STXBP5L: variants seen among roughly 807,000 people sequenced by gnomAD.
STXBP5L encodes the protein syntaxin binding protein 5L, also known as syntaxin-binding protein 5-like.
In STXBP5L, 65 loss-of-function variants were observed where a neutral mutation model predicts 144.5. The observed-to-expected ratio is 0.45, with a 90% CI of 0.37 to 0.55. The LOEUF (loss-of-function observed/expected upper bound fraction) is 0.55. Ranked by LOEUF, STXBP5L falls within the 20% of genes least tolerant of loss-of-function variation. The pLI is 0.00. For synonymous variants in STXBP5L, 505 were observed against 469.6 expected, an observed-to-expected ratio of 1.08 and a Z score of -0.97; for missense variants, 1,298 against 1,405.5, an observed-to-expected ratio of 0.92 and a Z score of 1.22.
chr3:121,041,639 C>T, intron 3 of STXBP5L, 61 bp from the exon 4 acceptor site: 1 of 1,239,934 alleles, frequency 8.1e-7, no homozygotes, highest in Non-Finnish European at 1.2e-6. Context: ...AAGTTAGTTT[C>T]TTTGCTCATT....
intron 20 of STXBP5L, among the ~76,000 whole-genome samples, chr3:121,370,666 T>C (rs2046003272): frequency 6.6e-6 from 1 of 152,256 alleles, no homozygotes; most frequent in South Asian, 2.1e-4. Context: ...TCAGTCTCTT[T>C]GCATAATTTC....
At chr3:121,115,337 T>C (rs2044185985) in intron 6 of STXBP5L, among the ~76,000 whole-genome samples, 1 of 152,214 alleles carries the variant, frequency 6.6e-6, no homozygotes, top group Admixed American at 6.6e-5. Context: ...GAAATCTCAC[T>C]TCATTATAAT....
intron 20 of STXBP5L, among the ~76,000 whole-genome samples, chr3:121,355,511 C>T (rs1371838014): frequency 6.6e-6 from 1 of 152,190 alleles, no homozygotes; most frequent in African/African-American, 2.4e-5. Context: ...TCACGAATTT[C>T]TCGTGCCATG....
intron 7 of STXBP5L, among the ~76,000 whole-genome samples, chr3:121,138,127 A>G (rs1179483161): frequency 6.6e-6 from 1 of 152,150 alleles, no homozygotes; most frequent in Non-Finnish European, 1.5e-5. Flanking sequence ...TGTATATGCT[A>G]ATAGTAAATT....
At chr3:121,175,359 G>A (rs1157999503) in intron 9 of STXBP5L, among the ~76,000 whole-genome samples, 4 of 151,794 alleles carry the variant, frequency 2.6e-5, no homozygotes, top group East Asian at 1.9e-4. Flanking sequence ...CCACACTAAA[G>A]GCCTAGAAAA....
intron 3 of STXBP5L, among the ~76,000 whole-genome samples, chr3:121,032,362 T>A (rs1946431967): frequency 6.6e-6 from 1 of 152,004 alleles, no homozygotes; most frequent in South Asian, 2.1e-4. Context: ...AGGGATCAAA[T>A]TAGAGAAAGA....
At chr3:120,976,560 T>G (rs1187731832) in intron 3 of STXBP5L, among the ~76,000 whole-genome samples, 1 of 152,162 alleles carries the variant, frequency 6.6e-6, no homozygotes, top group Non-Finnish European at 1.5e-5. Context: ...TCTGCTCTGA[T>G]TTTAGTTATT....
chr3:121,099,463 G>C (rs912912783), intron 5 of STXBP5L: 1 of 152,230 alleles, frequency 6.6e-6, no homozygotes, highest in African/African-American at 2.4e-5. Flanking sequence ...CTCTGTGATT[G>C]TAAGAATTGT....
chr3:121,275,508 T>G (rs2050854071), intron 18 of STXBP5L, among the ~76,000 whole-genome samples: 1 of 152,202 alleles, frequency 6.6e-6, no homozygotes, highest in South Asian at 2.1e-4. Flanking sequence ...CCACTATGAA[T>G]GTTGATTCAA....
chr3:121,329,998 T>G (rs1003185837), intron 20 of STXBP5L, among the ~76,000 whole-genome samples: 1 of 152,220 alleles, frequency 6.6e-6, no homozygotes, highest in Non-Finnish European at 1.5e-5. Flanking sequence ...TATTTACTAC[T>G]GAATAGCAAA....
At chr3:121,004,942 A>G (rs1036148460) in intron 3 of STXBP5L, among the ~76,000 whole-genome samples, 6 of 152,128 alleles carry the variant, frequency 3.9e-5, no homozygotes, top group Admixed American at 6.5e-5. Flanking sequence ...GTGCTCCTGT[A>G]TTCGGTTTGC....
At chr3:121,107,775 A>G (rs927808580) in intron 5 of STXBP5L, among the ~76,000 whole-genome samples, 1 of 152,158 alleles carries the variant, frequency 6.6e-6, no homozygotes, top group Admixed American at 6.6e-5. Flanking sequence ...TAATGGAAAT[A>G]GCATTGAATC....
rs1217652362 is a variant in STXBP5L, at chr3:121,014,040, G to A, written c.288-27660G>A. ...GTACCATGCTGTTTTGATTACTGTA[G>A]CCTTGCCATATAGTTTGAAGTCAGG... On this transcript the variant is annotated intron_variant, in intron 3 of 26. Transcript: ENST00000471454. Among the ~76,000 whole-genome samples, 3 of 152,002 alleles carry A rather than the reference G, an allele frequency of 2.0e-5. No individual in the cohort carries two copies. In the East Asian group the frequency reaches 5.8e-4, roughly 29 times the overall value.
At chr3:121,383,302 G>GGT (rs987848928) in intron 22 of STXBP5L, among the ~76,000 whole-genome samples, 6 of 151,710 alleles carry the variant, frequency 4.0e-5, no homozygotes, top group African/African-American at 1.5e-4. Context: ...AGCCAGGCAT[G>GGT]GTGTGTGTGT....
At chr3:121,054,756 A>G (rs1427758693) in intron 5 of STXBP5L, among the ~76,000 whole-genome samples, 2 of 150,942 alleles carry the variant, frequency 1.3e-5, no homozygotes, top group East Asian at 3.9e-4. Flanking sequence ...AAAATTTTAA[A>G]AAGAGTTGTT....
Position 121,279,939 on chromosome 3 carries a change from A to C in STXBP5L, c.2093A>C (p.Asn698Thr), listed in dbSNP as rs774030165. 6.2e-7 allele frequency: 1 copy of C among 1,612,192 alleles called. No homozygotes were observed. Among genetic ancestry groups the C allele is most frequent in the Non-Finnish European group, 8.5e-7 (1 of 1,178,688 alleles). ...YQRQPRSPRK[N>T]KQFIAGLTEL... ...CGACAACCACGGTCTCCTCGAAAAAACAAACAGTTCATTGCAGGTAGGAGA... is the reference window on the plus strand; with the variant it reads ...CGACAACCACGGTCTCCTCGAAAAACCAAACAGTTCATTGCAGGTAGGAGA... The change falls in exon 19 of 27, where the codon AAC becomes ACC. Residue 698 changes from asparagine to threonine, a missense_variant. Asn to Thr is a moderately conservative substitution (Grantham distance 65). Coordinates refer to ENST00000471454, the MANE Select transcript of STXBP5L (RefSeq NM_001308330.2).
intron 3 of STXBP5L, among the ~76,000 whole-genome samples, chr3:121,034,289 C>G (rs937701742): frequency 6.6e-6 from 1 of 152,070 alleles, no homozygotes; most frequent in Non-Finnish European, 1.5e-5. Flanking sequence ...TCATCCTCCT[C>G]CTTCCCACCT....
intron 5 of STXBP5L, among the ~76,000 whole-genome samples, chr3:121,071,774 C>T (rs2041822048): frequency 6.6e-6 from 1 of 152,190 alleles, no homozygotes; most frequent in Non-Finnish European, 1.5e-5. Context: ...TCACCTAAGG[C>T]TTGCATTTGC....
intron 11 of STXBP5L, among the ~76,000 whole-genome samples, chr3:121,224,613 TA>T (rs971569858): frequency 5.3e-5 from 8 of 152,154 alleles, no homozygotes; most frequent in Admixed American, 2.0e-4. Context: ...GTTCAGAGTA[TA>T]AATAATGTAT....
Sources: allele counts gnomAD v4.1 joint callset (sites outside exome capture counted in the v4.1 genomes callset), GRCh38; gene constraint gnomAD v4.1.1; transcripts MANE v1.5; gene names NCBI Gene and HGNC (gene_info 2026-07-23, HGNC 2026-07-21).